Variants in APOBEC3D observed in about 807,000 individuals in gnomAD.
The protein encoded by APOBEC3D is apolipoprotein B mRNA editing enzyme catalytic subunit 3D, also known as DNA dC->dU-editing enzyme APOBEC-3D.
Under a neutral mutation model 45.6 loss-of-function variants are expected in APOBEC3D, and 37 were observed. That is an observed-to-expected ratio of 0.81 (90% CI 0.62 to 1.07). APOBEC3D has a LOEUF of 1.07. Ranked by LOEUF, APOBEC3D falls within the 50% of genes least tolerant of loss-of-function variation. The probability of loss-of-function intolerance (pLI) is 0.00; values close to 1 mark genes in which losing one functional copy is unlikely to be tolerated. For missense variants in APOBEC3D, 496 were observed against 495.3 expected (o/e 1.00, Z -0.01); for synonymous variants, 175 against 180.7 (o/e 0.97, Z 0.25).
chr22:39,025,739 C>A, intron 4 of APOBEC3D, 68 bp downstream of exon 4: 1 of 1,609,008 alleles, frequency 6.2e-7, no homozygotes, highest in African/African-American at 1.3e-5. Flanking sequence ...TGAGGACTCC[C>A]CTGGCTGGGC....
rs767701662 is a variant in APOBEC3D, at chr22:39,021,502, G to A, written c.-18G>A. On this transcript the variant is annotated 5_prime_UTR_variant, in exon 1 of 7. Coordinates refer to ENST00000216099, the MANE Select transcript of APOBEC3D (RefSeq NM_152426.4). Reference sequence around the variant, plus strand: ...AAAAAAGAGGGAGACTGGGACAAGCGTATCTAAGAGGCTGAACATGAATCC... The same window carrying A: ...AAAAAAGAGGGAGACTGGGACAAGCATATCTAAGAGGCTGAACATGAATCC... The A allele has an allele frequency of 4.2e-5, 68 of 1,614,052 alleles. No individual in the cohort carries two copies. Among genetic ancestry groups the A allele is most frequent in the Admixed American group, 1.0e-4 (6 of 60,004 alleles).
Position 39,025,129 on chromosome 22 carries a change from C to G in APOBEC3D, c.270C>G (p.Asn90Lys). Residue 90 changes from asparagine to lysine, a missense_variant, in exon 3 of 7, where the codon AAC becomes AAG. Coordinates refer to ENST00000216099, the MANE Select transcript of APOBEC3D (RefSeq NM_152426.4). Reference sequence around the variant, plus strand: ...GCTTCTTATCTTGGTTCTGTGGCAACCGACTGCCTGCTAACAGGCGCTTCC... The same window carrying G: ...GCTTCTTATCTTGGTTCTGTGGCAAGCGACTGCCTGCTAACAGGCGCTTCC... ...EMCFLSWFCGNRLPANRRFQI... is the reference protein window; with the variant it reads ...EMCFLSWFCGKRLPANRRFQI... 1 of 1,612,838 alleles carries G rather than the reference C, an allele frequency of 6.2e-7. No individual in the cohort carries two copies. Among genetic ancestry groups the G allele is most frequent in the Non-Finnish European group, 8.5e-7 (1 of 1,179,186 alleles).
At chr22:39,030,578 G>T (rs930391931) in intron 5 of APOBEC3D, among the ~76,000 whole-genome samples, 2 of 152,086 alleles carry the variant, frequency 1.3e-5, no homozygotes, top group African/African-American at 4.8e-5. Flanking sequence ...TTCTCACAAT[G>T]AGATTTTGAA....
Position 39,032,759 on chromosome 22 carries a change from A to ATTTTTTTTTTTTTTTTTTTTTTT in APOBEC3D, c.*448_*470dup, listed in dbSNP as rs59018660. 3.1e-5 allele frequency: 3 copies of ATTTTTTTTTTTTTTTTTTTTTTT among 96,030 alleles called. No individual in the cohort carries two copies. Among genetic ancestry groups the ATTTTTTTTTTTTTTTTTTTTTTT allele is most frequent in the African/African-American group, 4.8e-5 (1 of 20,752 alleles). The allele number at this position is 96,030 out of a possible 1,614,324, so 5.9% of individuals were successfully genotyped here. ...AGATGCCTGCCACCACGCCCAGCTA[A>ATTTTTTTTTTTTTTTTTTTTTTT]TTTTTTTTTTTTTTTTTTTTTTTTT... is the stretch of plus-strand genomic sequence containing the variant. On this transcript the variant is annotated 3_prime_UTR_variant, in exon 7 of 7. Transcript: ENST00000216099.
chr22:39,031,594 C>G (rs1007372280), intron 5 of APOBEC3D, 100 bp from the exon 6 acceptor site: 65 of 1,494,894 alleles, frequency 4.3e-5, no homozygotes, highest in Non-Finnish European at 5.5e-5. Flanking sequence ...AGAAAATGCC[C>G]TGGGGCTTCA....
intron 6 of APOBEC3D, 47 bp downstream of exon 6, chr22:39,032,020 G>A (rs1376035236): frequency 7.5e-6 from 12 of 1,609,738 alleles, no homozygotes; most frequent in Non-Finnish European, 1.0e-5. Context: ...GGGACAGCAT[G>A]AGGGGCAGGT....
intron 4 of APOBEC3D, among the ~76,000 whole-genome samples, chr22:39,029,112 G>A (rs1925958851): frequency 6.6e-6 from 1 of 152,136 alleles, no homozygotes; most frequent in Non-Finnish European, 1.5e-5. Flanking sequence ...AAACTGGGAG[G>A]TTGAGGGTGT....
At chr22:39,021,583 C>T in intron 1 of APOBEC3D, 47 bp downstream of exon 1, 1 of 1,613,056 alleles carries the variant, frequency 6.2e-7, no homozygotes, top group Middle Eastern at 1.9e-4. Context: ...CCCCTTCCTT[C>T]TGGTGGTCCT....
In APOBEC3D at chr22:39,031,920, G is replaced by T. The variant is rs1926256275; in HGVS notation, c.989G>T (p.Gly330Val). 1 of 1,614,094 alleles carries T rather than the reference G, an allele frequency of 6.2e-7. No individual in the cohort carries two copies. Among genetic ancestry groups the T allele is most frequent in the Non-Finnish European group, 8.5e-7 (1 of 1,180,046 alleles). ...TTCTGGGATACAGATTACCAGGAGG[G>T]GCTCTGCAGCCTGAGTCAGGAAGGG... ...CYFWDTDYQE[G>V]LCSLSQEGAS... The change falls in exon 6 of 7, where the codon GGG (glycine) becomes GTG (valine). Residue 330 changes from glycine (G) to valine (V), a missense_variant. Transcript: ENST00000216099.
At chr22:39,029,642 T>A in intron 5 of APOBEC3D, 123 bp downstream of exon 5, 2 of 322,358 alleles carry the variant, frequency 6.2e-6, no homozygotes, top group Admixed American at 1.8e-4. Flanking sequence ...CATTTCTTTC[T>A]TTTTTTTTTT....
rs540563679 is a variant in APOBEC3D at position 39,022,391 on chromosome 22, AG to A, written c.18-429del. On this transcript the variant is annotated intron_variant, in intron 1 of 6. Transcript: ENST00000216099. ...CACCCCCACGCAGCACTTAGAAGAG[AG>A]GCCTGGGCCTCAGAATTCGGTTCTA... Among the ~76,000 whole-genome samples the A allele has an allele frequency of 4.6e-3, 705 of 152,370 alleles. 1 individual carries two copies. The highest frequency in any genetic ancestry group is 7.5e-3 in the Non-Finnish European group (513 of 68,042).
At chr22:39,030,811 C>T (rs565900667) in intron 5 of APOBEC3D, among the ~76,000 whole-genome samples, 33 of 152,244 alleles carry the variant, frequency 2.2e-4, no homozygotes, top group South Asian at 6.2e-4. Context: ...TGCCAGAATT[C>T]GCACTTGAGG....
At chr22:39,026,764 T>G (rs1284154009) in intron 4 of APOBEC3D, among the ~76,000 whole-genome samples, 1 of 151,876 alleles carries the variant, frequency 6.6e-6, no homozygotes, top group Non-Finnish European at 1.5e-5. Context: ...TTTGTTTTTT[T>G]TTTTTTGAGA....
At chr22:39,025,749 C>A in intron 4 of APOBEC3D, 78 bp downstream of exon 4, 2 of 1,599,538 alleles carry the variant, frequency 1.3e-6, no homozygotes, top group Non-Finnish European at 1.7e-6. Flanking sequence ...CCTGGCTGGG[C>A]CCTCCTGCCC....
In APOBEC3D at chr22:39,032,130, G is replaced by A. The variant is rs1279262797; in HGVS notation, c.1043-68G>A. 25 of 1,591,916 alleles carry A rather than the reference G, an allele frequency of 1.6e-5. No individual in the cohort carries two copies. The South Asian group carries it at 2.3e-4, about 14-fold the overall frequency. The stretch of plus-strand genomic sequence containing the variant: ...GGCAGCCAGGAGACCTGGCTTGGGA[G>A]GGGAGGGCCCAGGGCCGGGAGAGAG... On this transcript the variant is annotated intron_variant, in intron 6 of 6. Coordinates refer to ENST00000216099, the MANE Select transcript of APOBEC3D (RefSeq NM_152426.4).
rs11364441 is a variant in APOBEC3D at position 39,025,768 on chromosome 22, GC to G, written c.605+103del. On this transcript the variant is annotated intron_variant, in intron 4 of 6. Transcript: ENST00000216099. ...GCTGGGCCCTCCTGCCCTCCGTCCT[GC>G]CCCCCTGCCTGCCCTCATGGTTACA... 4.1e-3 allele frequency: 6,500 copies of G among 1,589,054 alleles called. 96 individuals are homozygous for G. In the African/African-American group the frequency reaches 0.054, roughly 13 times the overall value.
intron 1 of APOBEC3D, 106 bp downstream of exon 1, chr22:39,021,642 T>A: frequency 6.6e-7 from 1 of 1,522,264 alleles, no homozygotes; most frequent in Non-Finnish European, 9.1e-7. Context: ...AGCCCTGGAC[T>A]TCCTTCCCTC....
chr22:39,030,942 C>T (rs986167377), intron 5 of APOBEC3D, among the ~76,000 whole-genome samples: 2 of 152,126 alleles, frequency 1.3e-5, no homozygotes, highest in African/African-American at 4.8e-5. Flanking sequence ...CCTAGGCGGG[C>T]GGATCATAAG....
At chr22:39,025,535 G>T (rs201911698) in intron 3 of APOBEC3D, 22 bp from the exon 4 acceptor site, 1 of 1,614,096 alleles carries the variant, frequency 6.2e-7, no homozygotes, top group East Asian at 2.2e-5. Flanking sequence ...GAGCCTGAGT[G>T]CTTCCCACCT....
Sources: gnomAD v4.1 joint callset for allele counts (sites outside exome capture counted in the v4.1 genomes callset) on GRCh38, gnomAD v4.1.1 for gene constraint, MANE v1.5 for transcripts, NCBI Gene and HGNC (gene_info 2026-07-23, HGNC 2026-07-21) for gene names.